VTI1A: variants seen among roughly 807,000 people sequenced by gnomAD.
VTI1A encodes the protein vesicle transport through interaction with t-SNAREs 1A.
Under a neutral mutation model 34.9 loss-of-function variants are expected in VTI1A, and 22 were observed. The ratio of observed to expected loss-of-function variants is 0.63; its 90% CI spans 0.45 to 0.90. VTI1A has a LOEUF of 0.90. Ranked by LOEUF, VTI1A falls within the 40% of genes least tolerant of loss-of-function variation. The pLI is 0.00. For synonymous variants in VTI1A, 87 were observed against 97.3 expected (o/e 0.89, Z 0.62); for missense variants, 268 against 275.6 (o/e 0.97, Z 0.20).
intron 3 of VTI1A, among the ~76,000 whole-genome samples, chr10:112,504,680 A>T (rs1405317941): frequency 6.6e-6 from 1 of 152,162 alleles, no homozygotes; most frequent in East Asian, 1.9e-4. Context: ...GAATATATGG[A>T]TTTGCAATAC....
the VTI1A span, among the ~76,000 whole-genome samples, chr10:112,847,779 C>T: frequency 6.6e-6 from 1 of 152,192 alleles, no homozygotes; most frequent in African/African-American, 2.4e-5. Context: ...CTTAGTTATT[C>T]TCTCTTACAA....
At position 112,555,783 on chromosome 10, in the gene VTI1A, T is replaced by G. The variant is rs1173285850; in HGVS notation, c.427+17453T>G. Among the ~76,000 whole-genome samples the G allele has an allele frequency of 2.6e-5, 4 of 152,188 alleles. No individual in the cohort carries two copies. In the East Asian group the frequency reaches 7.7e-4, roughly 29 times the overall value. On this transcript the variant is annotated intron_variant, in intron 5 of 7. Coordinates refer to ENST00000393077, the MANE Select transcript of VTI1A (RefSeq NM_145206.4). ...CCTTTTAAAAAAATGTCTCTACTGT[T>G]TCCGCTAGAGATCATCATGTCTAGA... is the stretch of plus-strand genomic sequence containing the variant.
intron 7 of VTI1A, among the ~76,000 whole-genome samples, chr10:112,710,169 C>A (rs1228153950): frequency 6.7e-6 from 1 of 150,086 alleles, no homozygotes; most frequent in African/African-American, 2.5e-5. Context: ...GATTTTTAAA[C>A]CTCTGATTTG....
At chr10:112,795,431 C>CTTTTTTTTTTTTTTTTTTTTT (rs35159993) in intron 7 of VTI1A, among the ~76,000 whole-genome samples, 13 of 123,990 alleles carry the variant, frequency 1.0e-4, no homozygotes, top group African/African-American at 3.7e-4. Context: ...CCCTATTACT[C>CTTTTTTTTTTTTTTTTTTTTT]TTTTTTTTTT....
At chr10:112,623,148 A>C (rs1005416800) in intron 5 of VTI1A, among the ~76,000 whole-genome samples, 1 of 152,148 alleles carries the variant, frequency 6.6e-6, no homozygotes, top group African/African-American at 2.4e-5. Flanking sequence ...GGCATGAGAG[A>C]TATGTAGATC....
At chr10:112,765,874 C>T (rs1851633050) in intron 7 of VTI1A, among the ~76,000 whole-genome samples, 1 of 152,162 alleles carries the variant, frequency 6.6e-6, no homozygotes, top group South Asian at 2.1e-4. Context: ...ATGCTAACGA[C>T]GCCAGTCCAG....
At chr10:112,696,565 G>A (rs1050403856) in intron 7 of VTI1A, among the ~76,000 whole-genome samples, 3 of 152,026 alleles carry the variant, frequency 2.0e-5, no homozygotes, top group African/African-American at 7.2e-5. Flanking sequence ...TTCTCTCATC[G>A]GGCTATTTGT....
intron 5 of VTI1A, among the ~76,000 whole-genome samples, chr10:112,637,937 C>A (rs562360322): frequency 2.1e-4 from 32 of 152,296 alleles, no homozygotes; most frequent in Middle Eastern, 3.4e-3. Context: ...ACTTGACACA[C>A]AATGCTTTGG....
chr10:112,617,367 AG>A (rs1173362252), intron 5 of VTI1A, among the ~76,000 whole-genome samples: 1 of 152,130 alleles, frequency 6.6e-6, no homozygotes, highest in African/African-American at 2.4e-5. Flanking sequence ...TTTTTACTAA[AG>A]GGGTTTTTTA....
chr10:112,848,322 C>T, the VTI1A span, among the ~76,000 whole-genome samples: 1 of 152,218 alleles, frequency 6.6e-6, no homozygotes, highest in Non-Finnish European at 1.5e-5. Flanking sequence ...GGTCTTCAAT[C>T]TCCTCCTTTG....
At position 112,815,920 on chromosome 10, in the gene VTI1A, G is replaced by A. The variant is rs1853508510; in HGVS notation, c.*537G>A. 4.3e-6 allele frequency: 1 copy of A among 231,576 alleles called. No individual in the cohort carries two copies. The highest frequency in any genetic ancestry group is 8.5e-6 in the Non-Finnish European group (1 of 117,016). The allele number at this position is 231,576 out of a possible 1,614,324, so 14.3% of individuals were successfully genotyped here. On this transcript the variant is annotated 3_prime_UTR_variant, in exon 8 of 8. Coordinates refer to ENST00000393077, the MANE Select transcript of VTI1A (RefSeq NM_145206.4). ...CTGCCTGAGTGCTTTCATTGTAAAGGTCGGTATTTAATGTCGGTTGTACAG... is the reference window on the plus strand; with the variant it reads ...CTGCCTGAGTGCTTTCATTGTAAAGATCGGTATTTAATGTCGGTTGTACAG...
chr10:112,571,749 A>G (rs931647230), intron 5 of VTI1A, among the ~76,000 whole-genome samples: 24 of 152,176 alleles, frequency 1.6e-4, no homozygotes, highest in African/African-American at 5.8e-4. Flanking sequence ...GTGCCCACCA[A>G]CAATAAATTG....
chr10:112,736,330 G>T (rs559051321), intron 7 of VTI1A, among the ~76,000 whole-genome samples: 4 of 151,814 alleles, frequency 2.6e-5, no homozygotes, highest in Non-Finnish European at 5.9e-5. Flanking sequence ...CCACTAGATT[G>T]TAAGCTATGC....
intron 5 of VTI1A, among the ~76,000 whole-genome samples, chr10:112,599,844 G>T (rs1844814539): frequency 6.6e-6 from 1 of 152,180 alleles, no homozygotes; most frequent in Non-Finnish European, 1.5e-5. Flanking sequence ...TTCCCAAAGT[G>T]CTGGGACTAC....
intron 7 of VTI1A, among the ~76,000 whole-genome samples, chr10:112,780,024 T>C (rs1448414755): frequency 6.7e-6 from 1 of 149,828 alleles, no homozygotes; most frequent in Non-Finnish European, 1.5e-5. Context: ...AGATTACAGC[T>C]CACACCTGTA....
At chr10:112,581,606 A>G (rs568778539) in intron 5 of VTI1A, among the ~76,000 whole-genome samples, 1 of 152,078 alleles carries the variant, frequency 6.6e-6, no homozygotes, top group African/African-American at 2.4e-5. Flanking sequence ...TTGATAAATT[A>G]TGATGATGAT....
chr10:112,539,392 A>G (rs1850774605), intron 5 of VTI1A, among the ~76,000 whole-genome samples: 1 of 152,236 alleles, frequency 6.6e-6, no homozygotes, highest in African/African-American at 2.4e-5. Context: ...AGGCAACCAA[A>G]CAGGAAGAAT....
chr10:112,618,168 A>G (rs1286877638), intron 5 of VTI1A, among the ~76,000 whole-genome samples: 3 of 151,964 alleles, frequency 2.0e-5, no homozygotes, highest in African/African-American at 7.3e-5. Context: ...AAATAAATAA[A>G]TAAAATACAA....
At chr10:112,842,050 C>CTTTTTTTTTTTT in the VTI1A span, among the ~76,000 whole-genome samples, 201 of 93,116 alleles carry the variant, frequency 2.2e-3, 7 homozygotes, top group Non-Finnish European at 2.8e-3. Flanking sequence ...TTTTTTTTTT[C>CTTTTTTTTTTTT]CTTTTTTTTT....
Sources: gnomAD v4.1 joint callset for allele counts (sites outside exome capture counted in the v4.1 genomes callset) on GRCh38, gnomAD v4.1.1 for gene constraint, MANE v1.5 for transcripts, NCBI Gene and HGNC (gene_info 2026-07-23, HGNC 2026-07-21) for gene names.